FRYL: variants seen among roughly 807,000 people sequenced by gnomAD.
The protein encoded by FRYL is FRY like transcription coactivator.
FRYL carries 150 observed loss-of-function variants against 351.2 expected under a neutral mutation model. That is an observed-to-expected ratio of 0.43 (90% confidence interval 0.37 to 0.49). The LOEUF is 0.49. FRYL is among the 20% of genes least tolerant of loss of function. FRYL has a pLI of 0.00. For synonymous variants in FRYL, 1,153 were observed against 1,257.1 expected (o/e 0.92, Z 1.75); for missense variants, 3,036 against 3,619.3 (o/e 0.84, Z 4.13).
rs1455287526 is a variant in FRYL at position 48,669,583 on chromosome 4, T to G, written c.-81+15090A>C. On this transcript the variant is annotated intron_variant, in intron 3 of 63. Transcript: ENST00000358350. ...AGGGTATATATATATAAAGGATATA[T>G]ATGTAAAATTATATTAAAGGGATAT... Among the ~76,000 whole-genome samples, 5 of 149,034 alleles carry G rather than the reference T, an allele frequency of 3.4e-5. No homozygotes were observed. The Admixed American group carries it at 3.4e-4, about 10-fold the overall frequency.
At chr4:48,646,684 C>T (rs929572880) in intron 3 of FRYL, among the ~76,000 whole-genome samples, 1 of 152,178 alleles carries the variant, frequency 6.6e-6, no homozygotes, top group African/African-American at 2.4e-5. Context: ...GACTCTGGCA[C>T]AGGCTATGCC....
At chr4:48,518,034 C>T (rs1314938952) in intron 55 of FRYL, among the ~76,000 whole-genome samples, 1 of 152,186 alleles carries the variant, frequency 6.6e-6, no homozygotes, top group African/African-American at 2.4e-5. Flanking sequence ...ATATATCCAA[C>T]AGATATAAGG....
intron 3 of FRYL, among the ~76,000 whole-genome samples, chr4:48,648,707 T>C (rs1357690094): frequency 6.6e-6 from 1 of 152,176 alleles, no homozygotes; most frequent in Non-Finnish European, 1.5e-5. Context: ...CATTATTCAA[T>C]ACATGTTATG....
intron 2 of FRYL, among the ~76,000 whole-genome samples, chr4:48,696,066 T>TACA (rs1191967991): frequency 6.6e-6 from 1 of 152,216 alleles, no homozygotes; most frequent in African/African-American, 2.4e-5. Context: ...GGAATGCTTT[T>TACA]ACACTGTCGG....
At chr4:48,534,801 T>A (rs868744546) in intron 48 of FRYL, 116 bp from the exon 49 acceptor site, 3 of 614,588 alleles carry the variant, frequency 4.9e-6, no homozygotes, top group Non-Finnish European at 8.2e-6. Context: ...TTTATAGTTA[T>A]GTGGATTAGA....
chr4:48,602,549 T>A (rs1745918848), intron 12 of FRYL, among the ~76,000 whole-genome samples: 1 of 152,114 alleles, frequency 6.6e-6, no homozygotes, highest in African/African-American at 2.4e-5. Context: ...AAATATCTTA[T>A]AGGGTTGTGA....
At chr4:48,595,753 C>T (rs1174510871) in intron 14 of FRYL, 55 bp from the exon 15 acceptor site, 3 of 1,245,122 alleles carry the variant, frequency 2.4e-6, no homozygotes, top group Non-Finnish European at 3.4e-6. Context: ...AGCATATTAG[C>T]AAAAAATTCT....
chr4:48,505,338 G>A, intron 60 of FRYL: 1 of 613,582 alleles, frequency 1.6e-6, no homozygotes, highest in South Asian at 1.7e-5. Flanking sequence ...TCAGTCACAA[G>A]CTGGTCGTTC....
chr4:48,577,303 A>C (rs987009348), intron 23 of FRYL, among the ~76,000 whole-genome samples: 1 of 152,234 alleles, frequency 6.6e-6, no homozygotes, highest in African/African-American at 2.4e-5. Context: ...TGTTAGAATT[A>C]AGAACTGAGA....
intron 39 of FRYL, 87 bp from the exon 40 acceptor site, chr4:48,548,880 A>G: frequency 1.4e-6 from 1 of 710,402 alleles, no homozygotes; most frequent in East Asian, 2.8e-5. Flanking sequence ...GAAGACTTTA[A>G]TATCACATTT....
At chr4:48,740,882 T>C (rs985109062) in intron 1 of FRYL, among the ~76,000 whole-genome samples, 1 of 152,068 alleles carries the variant, frequency 6.6e-6, no homozygotes, top group Non-Finnish European at 1.5e-5. Context: ...ATCAAACACA[T>C]CCAGCACTTA....
At chr4:48,520,068 TAGAC>T (rs1228700102) in intron 55 of FRYL, among the ~76,000 whole-genome samples, 6 of 152,208 alleles carry the variant, frequency 3.9e-5, no homozygotes, top group African/African-American at 1.4e-4. Context: ...TCTGTCTTAA[TAGAC>T]AGCAAGAGAA....
At chr4:48,550,392 C>T (rs1339390172) in intron 38 of FRYL, 200 bp downstream of exon 38, 2 of 543,884 alleles carry the variant, frequency 3.7e-6, no homozygotes, top group South Asian at 5.6e-5. Flanking sequence ...CTATAGGAAA[C>T]CAGTGCTTTA....
chr4:48,747,162 T>TCC (rs5858127), intron 1 of FRYL, among the ~76,000 whole-genome samples: 61,410 of 149,996 alleles, frequency 0.41, 13,889 homozygotes, highest in Admixed American at 0.55. Context: ...ATTTCCCCTA[T>TCC]CCCCCCCCAA....
At chr4:48,661,829 A>C (rs1760788100) in intron 3 of FRYL, among the ~76,000 whole-genome samples, 1 of 152,234 alleles carries the variant, frequency 6.6e-6, no homozygotes, top group South Asian at 2.1e-4. Context: ...ATTATAAATA[A>C]GTTCCAGGAT....
At chr4:48,504,440 A>G (rs1365002359) in intron 60 of FRYL, among the ~76,000 whole-genome samples, 1 of 152,140 alleles carries the variant, frequency 6.6e-6, no homozygotes, top group Non-Finnish European at 1.5e-5. Flanking sequence ...ATAAACACCT[A>G]GTTTTTGTAG....
At chr4:48,665,152 A>C (rs1212209932) in intron 3 of FRYL, among the ~76,000 whole-genome samples, 1 of 152,188 alleles carries the variant, frequency 6.6e-6, no homozygotes, top group Admixed American at 6.5e-5. Flanking sequence ...TGTAAGCCAT[A>C]AGGTACAATT....
rs117402866 is a variant in FRYL at position 48,684,124 on chromosome 4, A to G, written c.-81+549T>C. ...TAGGGATAGGATTAGGTGTTATAGAAGATCCCACAGATTTTTCTCTGATTT... is the reference window on the plus strand; with the variant it reads ...TAGGGATAGGATTAGGTGTTATAGAGGATCCCACAGATTTTTCTCTGATTT... On this transcript the variant is annotated intron_variant, in intron 3 of 63. Transcript: ENST00000358350. 3.3e-5 allele frequency among the ~76,000 whole-genome samples: 5 copies of G among 152,338 alleles called. No homozygotes were observed. In the East Asian group the frequency reaches 7.7e-4, roughly 23 times the overall value.
chr4:48,705,469 TA>T (rs1037874568), intron 2 of FRYL, among the ~76,000 whole-genome samples: 45 of 116,442 alleles, frequency 3.9e-4, no homozygotes, highest in East Asian at 1.7e-3. Flanking sequence ...ATATAACAAG[TA>T]AAAAAAAAAA....
Sources: gnomAD v4.1 joint callset for allele counts (sites outside exome capture counted in the v4.1 genomes callset) on GRCh38, gnomAD v4.1.1 for gene constraint, MANE v1.5 for transcripts, NCBI Gene and HGNC (gene_info 2026-07-23, HGNC 2026-07-21) for gene names.